ZNF282: variants seen among roughly 807,000 people sequenced by gnomAD.
ZNF282 encodes the protein zinc finger protein 282.
ZNF282 carries 30 observed loss-of-function variants against 61.9 expected under a neutral mutation model. The ratio of observed to expected loss-of-function variants is 0.48; its 90% CI spans 0.36 to 0.66. ZNF282 has a LOEUF of 0.66. ZNF282 is among the 30% of genes least tolerant of loss of function. ZNF282 has a pLI of 0.00. For missense variants in ZNF282, 788 were observed against 941.4 expected, an observed-to-expected ratio of 0.84 and a Z score of 2.13; for synonymous variants, 396 against 405.0, an observed-to-expected ratio of 0.98 and a Z score of 0.27.
chr7:149,204,544 C>CAGG (rs1407444416), intron 2 of ZNF282, among the ~76,000 whole-genome samples: 7 of 151,942 alleles, frequency 4.6e-5, no homozygotes, highest in African/African-American at 1.7e-4. Context: ...GCTTCACAGG[C>CAGG]AGGAGGTGGA....
At position 149,198,458 on chromosome 7, in the gene ZNF282, A is replaced by G. The variant is rs765954214; in HGVS notation, c.291A>G (p.Ser97=). ...REPQLPTAEI[S]LWTVVAAIQA... ...CCCAGTTGCCCACAGCAGAGATCTCACTCTGGACTGTGGTGGCTGCCATTC... is the reference window on the plus strand; with the variant it reads ...CCCAGTTGCCCACAGCAGAGATCTCGCTCTGGACTGTGGTGGCTGCCATTC... The change falls in exon 2 of 8, where the codon TCA becomes TCG. Residue 97 remains serine, a synonymous_variant. Transcript: ENST00000610704. This position sits in a 1 kb window ranked among gnomAD's most constrained non-coding sequence, Gnocchi z 4.3. 4 of 1,613,646 alleles carry G rather than the reference A, an allele frequency of 2.5e-6. No individual in the cohort carries two copies. The East Asian group carries it at 8.9e-5, about 36-fold the overall frequency.
In ZNF282 at chr7:149,217,228, T is replaced by C. The variant is rs114143440; in HGVS notation, c.1180+3414T>C. 9.9e-3 allele frequency among the ~76,000 whole-genome samples: 1,513 copies of C among 152,316 alleles called. 13 individuals are homozygous for C. The highest frequency in any genetic ancestry group is 0.014 in the Non-Finnish European group (952 of 68,026). Reference sequence around the variant, plus strand: ...ATGCCTGCTATGTGTTACACAGTATTGTAAGCACTTAGAATAAGCAGTGAA... The same window carrying C: ...ATGCCTGCTATGTGTTACACAGTATCGTAAGCACTTAGAATAAGCAGTGAA... On this transcript the variant is annotated intron_variant, in intron 7 of 7. Transcript: ENST00000610704.
In ZNF282 at chr7:149,202,988, A is replaced by G. The variant is rs539088456; in HGVS notation, c.586-3708A>G. Among the ~76,000 whole-genome samples, 14 of 152,168 alleles carry G rather than the reference A, an allele frequency of 9.2e-5. No homozygotes were observed. In the South Asian group the frequency reaches 1.2e-3, roughly 14 times the overall value. On this transcript the variant is annotated intron_variant, in intron 2 of 7. Transcript: ENST00000610704. The stretch of plus-strand genomic sequence containing the variant: ...TGTGTCTGCTGAGGCAACCACCCCA[A>G]TGACTTTGCCAGAGGAGTTGTTTGA...
At chr7:149,206,604 T>C in intron 2 of ZNF282, 92 bp from the exon 3 acceptor site, 1 of 1,578,168 alleles carries the variant, frequency 6.3e-7, no homozygotes, top group South Asian at 1.2e-5. Context: ...GGCCGGGCTT[T>C]GGTGGGGAGT....
At chr7:149,202,184 GC>G in intron 2 of ZNF282, among the ~76,000 whole-genome samples, 1 of 112,226 alleles carries the variant, frequency 8.9e-6, no homozygotes, top group Non-Finnish European at 1.8e-5. Context: ...ACAGAGTCTT[GC>G]CCAGGCTGGA....
rs1796315810 is a variant in ZNF282 at position 149,224,104 on chromosome 7, GGCA to G, written c.1475_1477del (p.Ala492del). On this transcript the variant is annotated inframe_deletion, in exon 8 of 8. Transcript: ENST00000610704. Reference sequence around the variant, plus strand: ...GCGGCGGCGCGGAGGCGGGGACGGGGGCAGGCGGCGGCTGTGGCAGCTGCTGCC... The same window carrying G: ...GCGGCGGCGCGGAGGCGGGGACGGGGGGCGGCGGCTGTGGCAGCTGCTGCC... 1 of 1,405,940 alleles carries G rather than the reference GGCA, an allele frequency of 7.1e-7. No individual in the cohort carries two copies. Among genetic ancestry groups the G allele is most frequent in the African/African-American group, 1.5e-5 (1 of 67,360 alleles). The allele number at this position is 1,405,940 out of a possible 1,614,324, so 87.1% of individuals were successfully genotyped here.
At chr7:149,203,539 T>A (rs1362037044) in intron 2 of ZNF282, among the ~76,000 whole-genome samples, 1 of 152,230 alleles carries the variant, frequency 6.6e-6, no homozygotes, top group East Asian at 1.9e-4. Flanking sequence ...TTATTCTTTG[T>A]AGTGACAGGG....
intron 2 of ZNF282, among the ~76,000 whole-genome samples, chr7:149,203,179 G>C (rs1002149388): frequency 6.6e-6 from 1 of 152,180 alleles, no homozygotes; most frequent in African/African-American, 2.4e-5. Context: ...CTTTTCTTTT[G>C]TCTGTTCTGT....
At chr7:149,205,652 G>A (rs1008581784) in intron 2 of ZNF282, among the ~76,000 whole-genome samples, 2 of 152,148 alleles carry the variant, frequency 1.3e-5, no homozygotes, top group African/African-American at 4.8e-5. Context: ...AGAGTTACAA[G>A]CACCTGGTAA....
At chr7:149,197,478 A>G (rs1795836649) in intron 1 of ZNF282, among the ~76,000 whole-genome samples, 1 of 151,712 alleles carries the variant, frequency 6.6e-6, no homozygotes, top group Admixed American at 6.6e-5. Context: ...TTTGTTGTTT[A>G]TTTGTTTGTT....
chr7:149,207,223 TAACTGCTGCCA>T, intron 3 of ZNF282, 117 bp from the exon 4 acceptor site: 1 of 1,234,972 alleles, frequency 8.1e-7, no homozygotes, highest in Non-Finnish European at 1.1e-6. Context: ...CTAACTCGCA[TAACTGCTGCCA>T]AAGAGGGACA....
chr7:149,203,393 G>A (rs1795945516), intron 2 of ZNF282, among the ~76,000 whole-genome samples: 1 of 152,176 alleles, frequency 6.6e-6, no homozygotes, highest in Non-Finnish European at 1.5e-5. Context: ...TGTCATCCAG[G>A]CTGGAGTACA....
rs1422703280 is a variant in ZNF282, at chr7:149,225,456, G to A, written c.*809G>A. 6.6e-6 allele frequency: 1 copy of A among 152,306 alleles called. No individual in the cohort carries two copies. Among genetic ancestry groups the A allele is most frequent in the Non-Finnish European group, 1.5e-5 (1 of 68,102 alleles). The allele number at this position is 152,306 out of a possible 1,614,324, so 9.4% of individuals were successfully genotyped here. ...GAACGCCCCAGGTTGTACATTCAGAGGGCTCTTTCTCCATGGGAGCTCCTG... is the reference window on the plus strand; with the variant it reads ...GAACGCCCCAGGTTGTACATTCAGAAGGCTCTTTCTCCATGGGAGCTCCTG... On this transcript the variant is annotated 3_prime_UTR_variant, in exon 8 of 8. Coordinates refer to ENST00000610704, the MANE Select transcript of ZNF282 (RefSeq NM_003575.4).
At chr7:149,205,020 G>A (rs1402431604) in intron 2 of ZNF282, among the ~76,000 whole-genome samples, 1 of 151,860 alleles carries the variant, frequency 6.6e-6, no homozygotes, top group African/African-American at 2.4e-5. Context: ...CCCAGCTACT[G>A]GGGAGGCTGA....
chr7:149,200,699 G>C (rs999633744), intron 2 of ZNF282, among the ~76,000 whole-genome samples: 5 of 152,100 alleles, frequency 3.3e-5, no homozygotes, highest in Non-Finnish European at 7.3e-5. Context: ...GGGTTCAAGT[G>C]ATTCTCCTGC....
intron 4 of ZNF282, among the ~76,000 whole-genome samples, chr7:149,208,744 C>T (rs1262902286): frequency 1.3e-5 from 2 of 151,568 alleles, no homozygotes; most frequent in Non-Finnish European, 2.9e-5. Flanking sequence ...CCCGGCAGGG[C>T]ACGGTGGCTC....
Position 149,198,244 on chromosome 7 carries a change from AT to A in ZNF282, c.166-88del. On this transcript the variant is annotated intron_variant, in intron 1 of 7. Transcript: ENST00000610704. This position sits in a 1 kb window ranked among gnomAD's most constrained non-coding sequence, Gnocchi z 4.3. Reference sequence around the variant, plus strand: ...TGGCAGAAGAAAGACGACATGTAGCATCTGATTAGTTGACCCCTGTTCCCAG... The same window carrying A: ...TGGCAGAAGAAAGACGACATGTAGCACTGATTAGTTGACCCCTGTTCCCAG... The A allele has an allele frequency of 6.9e-7, 1 of 1,442,560 alleles. No homozygotes were observed. The highest frequency in any genetic ancestry group is 9.4e-7 in the Non-Finnish European group (1 of 1,066,130). 89.4% of individuals were successfully genotyped at this position (1,442,560 alleles called of 1,614,324 possible). A position where few individuals can be genotyped will look rare whatever the true frequency, so the allele number is the denominator to read the frequency against.
chr7:149,196,964 G>C (rs988687790), intron 1 of ZNF282, among the ~76,000 whole-genome samples: 2 of 152,190 alleles, frequency 1.3e-5, no homozygotes, highest in African/African-American at 4.8e-5. Flanking sequence ...CCTAGCCTGA[G>C]GGCCTTTTCT....
intron 7 of ZNF282, among the ~76,000 whole-genome samples, chr7:149,215,110 T>G (rs1796142154): frequency 6.6e-6 from 1 of 151,150 alleles, no homozygotes; most frequent in South Asian, 2.1e-4. Flanking sequence ...CCCCTTGCCC[T>G]CAACATGGCT....
Sources: gnomAD v4.1 joint callset for allele counts (sites outside exome capture counted in the v4.1 genomes callset) on GRCh38, gnomAD v4.1.1 for gene constraint, Gnocchi (gnomAD v3.1) non-coding constraint, MANE v1.5 for transcripts, NCBI Gene and HGNC (gene_info 2026-07-23, HGNC 2026-07-21) for gene names.